Variants in VPS26A observed in about 807,000 individuals in gnomAD.
VPS26A encodes vacuolar protein sorting-associated protein 26A.
In VPS26A, 22 loss-of-function variants were observed where a neutral mutation model predicts 42.4. The ratio of observed to expected loss-of-function variants is 0.52; its 90% CI spans 0.37 to 0.74. The LOEUF (loss-of-function observed/expected upper bound fraction) is 0.74, where lower values mean the gene tolerates loss of function less well. Ranked by LOEUF, VPS26A falls within the 30% of genes least tolerant of loss-of-function variation. The pLI, the probability that VPS26A is intolerant of heterozygous loss-of-function variation, is 0.00. For missense variants in VPS26A, 276 were observed against 379.2 expected (o/e 0.73, Z 2.26); for synonymous variants, 110 against 123.5 (o/e 0.89, Z 0.73).
intron 2 of VPS26A, among the ~76,000 whole-genome samples, chr10:69,149,727 G>GTTTTTTTTTTTTTTTTTTTTTT (rs151136046): frequency 1.1e-5 from 1 of 93,964 alleles, no homozygotes; most frequent in African/African-American, 4.9e-5. Context: ...CTTTCTTGGT[G>GTTTTTTTTTTTTTTTTTTTTTT]TTTTTTGTTT....
intron 2 of VPS26A, among the ~76,000 whole-genome samples, chr10:69,136,847 G>C (rs1209090724): frequency 6.6e-6 from 1 of 151,484 alleles, no homozygotes. Flanking sequence ...GCTGGAGTGC[G>C]ATGGCGTGAT....
chr10:69,124,339 G>T, intron 1 of VPS26A, 59 bp downstream of exon 1: 1 of 1,231,750 alleles, frequency 8.1e-7, no homozygotes, highest in Admixed American at 4.3e-5. Context: ...CGCGCGGCGG[G>T]CCGGCCAACC....
chr10:69,167,853 TG>T (rs10719125), intron 7 of VPS26A, among the ~76,000 whole-genome samples: 6,344 of 152,190 alleles, frequency 0.042, 466 homozygotes, highest in African/African-American at 0.14. Flanking sequence ...GTCATCATTC[TG>T]TCCGTTTTTA....
At chr10:69,151,282 A>AAAAAAAAAAACAAAAAACACAC (rs71035063) in intron 2 of VPS26A, among the ~76,000 whole-genome samples, 13 of 136,828 alleles carry the variant, frequency 9.5e-5, no homozygotes, top group African/African-American at 4.3e-4. Flanking sequence ...AAAAAAAAAA[A>AAAAAAAAAAACAAAAAACACAC]ACACACACAC....
In VPS26A at chr10:69,158,335, C is replaced by T. The variant is rs937406393; in HGVS notation, c.551+124C>T. On this transcript the variant is annotated intron_variant, in intron 5 of 8. Transcript: ENST00000263559. ...TCTGATGTTAACAAATCAACAGGAT[C>T]TCTGAGCTAAAAGAAATTTTAGGAG... 3.6e-6 allele frequency: 3 copies of T among 832,818 alleles called. No individual in the cohort carries two copies. The African/African-American group carries it at 5.4e-5, about 15-fold the overall frequency. The allele number at this position is 832,818 out of a possible 1,614,324, so 51.6% of individuals were successfully genotyped here. A position where few individuals can be genotyped will look rare whatever the true frequency, so the allele number is the denominator to read the frequency against.
At position 69,162,639 on chromosome 10, in the gene VPS26A, G is replaced by T. The variant is rs76181305; in HGVS notation, c.658+127G>T. 8.0e-3 allele frequency: 4,009 copies of T among 499,860 alleles called. 98 individuals are homozygous for T. The highest frequency in any genetic ancestry group is 0.079 in the East Asian group (2,135 of 27,106). The allele number at this position is 499,860 out of a possible 1,614,324, so 31.0% of individuals were successfully genotyped here. ...CTAATTTTGCTAGTTAATATTGCTG[G>T]CAGTAAGTTATTTAATGTTTTTTTA... is the stretch of plus-strand genomic sequence containing the variant. On this transcript the variant is annotated intron_variant, in intron 6 of 8. Coordinates refer to ENST00000263559, the MANE Select transcript of VPS26A (RefSeq NM_004896.5).
intron 1 of VPS26A, among the ~76,000 whole-genome samples, chr10:69,128,572 CTG>C (rs1204113054): frequency 3.3e-5 from 5 of 152,050 alleles, no homozygotes; most frequent in African/African-American, 1.2e-4. Context: ...AAGTGGAACT[CTG>C]TGTGTTTAGG....
chr10:69,149,734 GTTTTTTTTTTTT>G (rs869048277), intron 2 of VPS26A, among the ~76,000 whole-genome samples: 6 of 21,364 alleles, frequency 2.8e-4, no homozygotes, highest in Non-Finnish European at 1.0e-3. Context: ...GGTGTTTTTT[GTTTTTTTTTTTT>G]TTTTTTTTTT....
At chr10:69,158,959 G>T (rs375769878) in intron 5 of VPS26A, among the ~76,000 whole-genome samples, 207 of 152,144 alleles carry the variant, frequency 1.4e-3, no homozygotes, top group African/African-American at 4.8e-3. Flanking sequence ...TTTATACATG[G>T]ACTAAGATGT....
chr10:69,143,944 C>A (rs145459527), intron 2 of VPS26A, among the ~76,000 whole-genome samples: 45 of 152,280 alleles, frequency 3.0e-4, no homozygotes, highest in African/African-American at 1.0e-3. Context: ...TCTCAAACTT[C>A]TGGGCTCAAG....
At chr10:69,130,794 C>T (rs1040808653) in intron 1 of VPS26A, among the ~76,000 whole-genome samples, 33 of 152,074 alleles carry the variant, frequency 2.2e-4, no homozygotes, top group African/African-American at 7.2e-4. Flanking sequence ...TTTGTGTATT[C>T]CTTTTGTGTC....
chr10:69,164,604 T>C (rs1841643703), intron 6 of VPS26A, among the ~76,000 whole-genome samples: 1 of 152,228 alleles, frequency 6.6e-6, no homozygotes, highest in Non-Finnish European at 1.5e-5. Context: ...TATTGATGTT[T>C]ATGTAGTCAG....
At chr10:69,142,247 T>C (rs1190393996) in intron 2 of VPS26A, among the ~76,000 whole-genome samples, 1 of 143,862 alleles carries the variant, frequency 7.0e-6, no homozygotes, top group Non-Finnish European at 1.5e-5. Flanking sequence ...TGTAGTGTCA[T>C]GATTACGGCT....
intron 2 of VPS26A, 76 bp from the exon 3 acceptor site, chr10:69,155,736 A>T (rs1199079800): frequency 2.9e-6 from 3 of 1,042,306 alleles, no homozygotes; most frequent in Non-Finnish European, 4.4e-6. Context: ...TATATATTGC[A>T]TTCATCTGAA....
intron 2 of VPS26A, among the ~76,000 whole-genome samples, chr10:69,151,282 A>AAAAAAAAAAAAAAAAAAACAC (rs71035063): frequency 7.3e-6 from 1 of 136,776 alleles, no homozygotes; most frequent in African/African-American, 3.3e-5. Flanking sequence ...AAAAAAAAAA[A>AAAAAAAAAAAAAAAAAAACAC]ACACACACAC....
intron 2 of VPS26A, among the ~76,000 whole-genome samples, chr10:69,143,236 G>T (rs1459776040): frequency 6.6e-6 from 1 of 152,144 alleles, no homozygotes; most frequent in African/African-American, 2.4e-5. Flanking sequence ...GGAAGATCTA[G>T]CCTTAACTTT....
intron 2 of VPS26A, among the ~76,000 whole-genome samples, chr10:69,154,878 T>G (rs1260587484): frequency 6.6e-6 from 1 of 152,190 alleles, no homozygotes; most frequent in Non-Finnish European, 1.5e-5. Context: ...AATATGTGTG[T>G]GTGTGCGCGC....
Position 69,153,769 on chromosome 10 carries a change from G to A in VPS26A, c.154-2043G>A, listed in dbSNP as rs1344363280. Among the ~76,000 whole-genome samples the A allele has an allele frequency of 3.3e-5, 5 of 152,148 alleles. No individual in the cohort carries two copies. In the South Asian group the frequency reaches 1.0e-3, roughly 32 times the overall value. On this transcript the variant is annotated intron_variant, in intron 2 of 8. Coordinates refer to ENST00000263559, the MANE Select transcript of VPS26A (RefSeq NM_004896.5). ...GAGGATTGCTTGAGGCCAGGTGTTC[G>A]AGACCAGCCTGGGCAATATATTGAG...
chr10:69,148,882 A>G (rs10998604), intron 2 of VPS26A, among the ~76,000 whole-genome samples: 71,275 of 150,930 alleles, frequency 0.47, 19,154 homozygotes, highest in Middle Eastern at 0.73. Flanking sequence ...CAGCCTCCCG[A>G]GTAGCTGGGA....
Sources: gnomAD v4.1 joint callset for allele counts (sites outside exome capture counted in the v4.1 genomes callset) on GRCh38, gnomAD v4.1.1 for gene constraint, MANE v1.5 for transcripts, NCBI Gene and HGNC (gene_info 2026-07-23, HGNC 2026-07-21) for gene names.